The following QSER1 variants were observed in gnomAD, a reference collection of about 807,000 sequenced individuals.
QSER1 encodes glutamine and serine rich 1.
A neutral mutation model predicts 158.5 loss-of-function variants in QSER1; 49 were observed. The ratio of observed to expected loss-of-function variants is 0.31; its 90% CI spans 0.25 to 0.39. QSER1 has a LOEUF of 0.39. Ranked by LOEUF, QSER1 falls within the 10% of genes least tolerant of loss-of-function variation. The pLI, the probability that QSER1 is intolerant of heterozygous loss-of-function variation, is 1.00. For synonymous variants in QSER1, 650 were observed against 715.5 expected (o/e 0.91, Z 1.46); for missense variants, 1,754 against 2,010.3 (o/e 0.87, Z 2.44).
intron 1 of QSER1, among the ~76,000 whole-genome samples, chr11:32,906,705 G>A (rs1388152528): frequency 3.3e-5 from 5 of 152,192 alleles, no homozygotes; most frequent in South Asian, 2.1e-4. Context: ...GAGCCACTGC[G>A]CCTGGCCAAC....
At chr11:32,936,853 CA>C (rs1852160072) in intron 4 of QSER1, among the ~76,000 whole-genome samples, 1 of 152,174 alleles carries the variant, frequency 6.6e-6, no homozygotes, top group Non-Finnish European at 1.5e-5. Context: ...AGCTGGTATC[CA>C]AATAACCTGT....
intron 9 of QSER1, 136 bp from the exon 10 acceptor site, chr11:32,968,910 T>C (rs1332104830): frequency 1.9e-6 from 1 of 526,542 alleles, no homozygotes; most frequent in Non-Finnish European, 3.3e-6. Flanking sequence ...TCATGTCCAA[T>C]TTTTTTGCAA....
At chr11:32,919,973 C>G (rs1382520910) in intron 1 of QSER1, among the ~76,000 whole-genome samples, 1 of 152,096 alleles carries the variant, frequency 6.6e-6, no homozygotes, top group African/African-American at 2.4e-5. Context: ...TGCCCCCTTT[C>G]TTTTTAGCAC....
At chr11:32,974,675 T>C (rs1224969303) in intron 11 of QSER1, among the ~76,000 whole-genome samples, 2 of 152,184 alleles carry the variant, frequency 1.3e-5, no homozygotes, top group Non-Finnish European at 2.9e-5. Context: ...GTACTAGAGA[T>C]ACAACAGTGA....
In QSER1 at chr11:32,953,546, G is replaced by A. The variant is rs202152164; in HGVS notation, c.4178-311G>A. 5.9e-4 allele frequency among the ~76,000 whole-genome samples: 90 copies of A among 152,084 alleles called. 2 individuals carry two copies. In the East Asian group the frequency reaches 0.014, roughly 24 times the overall value. On this transcript the variant is annotated intron_variant, in intron 4 of 12. Transcript: ENST00000650167. Reference sequence around the variant, plus strand: ...TTTTTTATTTTTTTAATAGGGCTGGGACTACAGGTGTGAGCCACTGTACCC... The same window carrying A: ...TTTTTTATTTTTTTAATAGGGCTGGAACTACAGGTGTGAGCCACTGTACCC...
intron 8 of QSER1, among the ~76,000 whole-genome samples, chr11:32,964,729 T>TACACAC (rs1564946395): frequency 1.7e-5 from 2 of 115,084 alleles, no homozygotes; most frequent in South Asian, 5.9e-4. Context: ...TATATATATA[T>TACACAC]ATATATATAT....
chr11:32,904,207 T>C (rs541196661), intron 1 of QSER1, among the ~76,000 whole-genome samples: 10 of 147,710 alleles, frequency 6.8e-5, no homozygotes, highest in Non-Finnish European at 1.2e-4. Flanking sequence ...TTTTTTTTTG[T>C]AGGGGAACAG....
In QSER1 at chr11:32,934,224, C is replaced by T. The variant is rs1478705706; in HGVS notation, c.2966C>T (p.Ala989Val). 6.2e-7 allele frequency: 1 copy of T among 1,613,840 alleles called. No homozygotes were observed. Among genetic ancestry groups the T allele is most frequent in the Non-Finnish European group, 8.5e-7 (1 of 1,179,898 alleles). ...NVDDILAATA[A>V]ACGVTPTDFS... ...GATGATATCTTAGCAGCTACAGCAG[C>T]AGCTTGTGGAGTTACACCTACTGAT... is the stretch of plus-strand genomic sequence containing the variant. Residue 989 changes from alanine to valine, a missense_variant, in exon 4 of 13, where the codon GCA becomes GTA. By Grantham distance (64) the Ala-to-Val change is moderately conservative. This residue lies in a region of QSER1 where 1,707 missense variants were observed against 1,919.6 expected (regional missense o/e 0.89). Transcript: ENST00000650167.
At chr11:32,913,261 G>A (rs1402040331) in intron 1 of QSER1, among the ~76,000 whole-genome samples, 2 of 143,858 alleles carry the variant, frequency 1.4e-5, no homozygotes, top group Non-Finnish European at 3.0e-5. Flanking sequence ...CGCGATCTCG[G>A]CTCACTGCAA....
rs1202991185 is a variant in QSER1 at position 32,976,417 on chromosome 11, G to A, written c.5538G>A (p.Glu1846=). The change falls in exon 13 of 13, where the codon GAG becomes GAA. Residue 1846 remains glutamate, a synonymous_variant. Coordinates refer to ENST00000650167, the MANE Select transcript of QSER1 (RefSeq NM_001076786.3). ...QLCMKNVKWV[E]DLFEKFGELL... ...GTATGAAAAATGTAAAATGGGTGGA[G>A]GACCTCTTTGAAAAATTTGGAGAAC... 4 of 1,609,964 alleles carry A rather than the reference G, an allele frequency of 2.5e-6. No homozygotes were observed. The East Asian group carries it at 8.9e-5, about 36-fold the overall frequency.
intron 1 of QSER1, among the ~76,000 whole-genome samples, chr11:32,896,131 G>T (rs1217609286): frequency 6.6e-6 from 1 of 152,146 alleles, no homozygotes; most frequent in East Asian, 1.9e-4. Context: ...ACCTTTTGGG[G>T]TGCAGTTTTG....
chr11:32,922,007 A>C (rs1400342639), intron 1 of QSER1, among the ~76,000 whole-genome samples: 3 of 152,138 alleles, frequency 2.0e-5, no homozygotes, highest in Non-Finnish European at 4.4e-5. Flanking sequence ...GTAAAGAATA[A>C]TCTTTTCAAT....
rs1281882446 is a variant in QSER1, at chr11:32,976,236, T to C, written c.5455-98T>C. 11 of 1,038,544 alleles carry C rather than the reference T, an allele frequency of 1.1e-5. No individual in the cohort carries two copies. The African/African-American group carries it at 1.7e-4, about 16-fold the overall frequency. 64.3% of individuals were successfully genotyped at this position (1,038,544 alleles called of 1,614,324 possible). ...ATTTAGCTGAAATAATCATTCTCCA[T>C]GGATAGGATTAAGAAAAAAATAAAA... On this transcript the variant is annotated intron_variant, in intron 12 of 12. Coordinates refer to ENST00000650167, the MANE Select transcript of QSER1 (RefSeq NM_001076786.3).
At chr11:32,965,241 A>G (rs922051042) in intron 8 of QSER1, among the ~76,000 whole-genome samples, 2 of 152,042 alleles carry the variant, frequency 1.3e-5, no homozygotes, top group South Asian at 4.2e-4. Context: ...CCTCTTGAGT[A>G]GCTGGGAATA....
rs149811744 is a variant in QSER1 at position 32,934,811 on chromosome 11, A to G, written c.3553A>G (p.Ser1185Gly). The part of the protein sequence containing the change: ...LAMAQSGDAV[S>G]VKIEEENQDL... ...CATGGCCCAATCTGGGGATGCAGTCAGTGTCAAGATTGAAGAAGAAAACCA... is the reference window on the plus strand; with the variant it reads ...CATGGCCCAATCTGGGGATGCAGTCGGTGTCAAGATTGAAGAAGAAAACCA... Residue 1185 changes from serine (S) to glycine (G), a missense_variant, in exon 4 of 13, where the codon AGT becomes GGT. Physicochemically the swap from Ser to Gly is moderately conservative, Grantham distance 56 (BLOSUM62 0). Coordinates refer to ENST00000650167, the MANE Select transcript of QSER1 (RefSeq NM_001076786.3). 6.4e-4 allele frequency: 1,038 copies of G among 1,614,110 alleles called. 4 individuals are homozygous for G. In the African/African-American group the frequency reaches 0.013, roughly 20 times the overall value.
intron 4 of QSER1, among the ~76,000 whole-genome samples, chr11:32,950,565 T>C (rs1333668546): frequency 6.6e-6 from 1 of 152,250 alleles, no homozygotes; most frequent in Non-Finnish European, 1.5e-5. Context: ...TATTGAATTA[T>C]AATTCATATA....
intron 1 of QSER1, among the ~76,000 whole-genome samples, chr11:32,901,956 G>C (rs188902136): frequency 1.3e-5 from 2 of 152,300 alleles, no homozygotes; most frequent in East Asian, 3.9e-4. Context: ...GGTGGCATGC[G>C]CCTGTGGTCC....
In QSER1 at chr11:32,927,954, A is replaced by G. The variant is rs1851995816; in HGVS notation, c.323-8A>G. On this transcript the variant is annotated splice_region_variant and splice_polypyrimidine_tract_variant and intron_variant, in intron 2 of 12. Transcript: ENST00000650167. ...TTACTTTGGGATATATTTTATCTTC[A>G]AATTTAGGTCTTTCTGGAATATTTG... 8 of 720,846 alleles carry G rather than the reference A, an allele frequency of 1.1e-5. No individual in the cohort carries two copies. The South Asian group carries it at 1.9e-4, about 17-fold the overall frequency. The allele number at this position is 720,846 out of a possible 1,614,324, so 44.7% of individuals were successfully genotyped here. A position where few individuals can be genotyped will look rare whatever the true frequency, so the allele number is the denominator to read the frequency against.
At chr11:32,950,000 C>A (rs980450949) in intron 4 of QSER1, among the ~76,000 whole-genome samples, 11 of 152,220 alleles carry the variant, frequency 7.2e-5, no homozygotes, top group African/African-American at 2.4e-4. Context: ...AAGTAGAATT[C>A]ACTCTCTTCA....
Sources: gnomAD v4.1 joint callset for allele counts (sites outside exome capture counted in the v4.1 genomes callset) on GRCh38, gnomAD v4.1.1 for gene constraint, gnomAD v4.1.1 regional missense constraint, MANE v1.5 for transcripts, NCBI Gene and HGNC (gene_info 2026-07-23, HGNC 2026-07-21) for gene names.